SGIP1: variants seen among roughly 807,000 people sequenced by gnomAD.
The protein encoded by SGIP1 is SH3-containing GRB2-like protein 3-interacting protein 1.
SGIP1 carries 38 observed loss-of-function variants against 107.5 expected under a neutral mutation model. That is an observed-to-expected ratio of 0.35 (90% confidence interval 0.27 to 0.46). SGIP1 has a LOEUF of 0.46. Ranked by LOEUF, SGIP1 falls within the 20% of genes least tolerant of loss-of-function variation. The pLI, the probability that SGIP1 is intolerant of heterozygous loss-of-function variation, is 1.00. For missense variants in SGIP1, 929 were observed against 1,019.5 expected (o/e 0.91, Z 1.21); for synonymous variants, 365 against 366.1 (o/e 1.00, Z 0.03).
chr1:66,671,937 G>A lies in SGIP1; in HGVS notation c.509-7G>A. On this transcript the variant is annotated splice_region_variant and splice_polypyrimidine_tract_variant and intron_variant, in intron 10 of 24. Coordinates refer to ENST00000371037, the MANE Select transcript of SGIP1 (RefSeq NM_032291.4). ...TGTCTAAAAAGTTCCTTTGTCCTGTGCATCAGGTGAAGAAGTGGCAAGACC... is the reference window on the plus strand; with the variant it reads ...TGTCTAAAAAGTTCCTTTGTCCTGTACATCAGGTGAAGAAGTGGCAAGACC... 6.2e-7 allele frequency: 1 copy of A among 1,613,924 alleles called. No individual in the cohort carries two copies. Among genetic ancestry groups the A allele is most frequent in the Non-Finnish European group, 8.5e-7 (1 of 1,179,856 alleles).
chr1:66,725,029 C>T (rs1341962033), intron 19 of SGIP1, among the ~76,000 whole-genome samples: 1 of 152,144 alleles, frequency 6.6e-6, no homozygotes, highest in Non-Finnish European at 1.5e-5. Context: ...ACCAATTTGG[C>T]ACTAGTATAC....
intron 1 of SGIP1, among the ~76,000 whole-genome samples, chr1:66,563,885 T>C (rs564843104): frequency 6.6e-6 from 1 of 152,138 alleles, no homozygotes; most frequent in Admixed American, 6.6e-5. Flanking sequence ...CTTAGAAAGC[T>C]ACTATCCCTT....
intron 1 of SGIP1, among the ~76,000 whole-genome samples, chr1:66,609,421 T>A (rs2067501996): frequency 6.6e-6 from 1 of 152,178 alleles, no homozygotes; most frequent in African/African-American, 2.4e-5. Context: ...AGCAAATATG[T>A]AGAGCACAAA....
chr1:66,731,104 C>T (rs1477511818), intron 20 of SGIP1, among the ~76,000 whole-genome samples: 1 of 152,198 alleles, frequency 6.6e-6, no homozygotes, highest in Non-Finnish European at 1.5e-5. Context: ...CTGTTCTTTT[C>T]CTTTGTAGCA....
intron 18 of SGIP1, among the ~76,000 whole-genome samples, chr1:66,716,938 GTT>G (rs1376155049): frequency 6.6e-6 from 1 of 151,868 alleles, no homozygotes; most frequent in African/African-American, 2.4e-5. Flanking sequence ...ACTTCCCGTG[GTT>G]TCTTAAAATG....
intron 17 of SGIP1, chr1:66,695,036 T>A: frequency 3.0e-6 from 1 of 332,672 alleles, no homozygotes; most frequent in African/African-American, 2.1e-5. Context: ...GTTTATCTTT[T>A]TGGAAACATA....
intron 21 of SGIP1, among the ~76,000 whole-genome samples, chr1:66,737,006 A>G (rs1039534570): frequency 2.6e-5 from 4 of 152,206 alleles, no homozygotes; most frequent in African/African-American, 9.6e-5. Flanking sequence ...TTCATCACTT[A>G]CAAATTAAAA....
chr1:66,585,687 G>T (rs1319329132), intron 1 of SGIP1, among the ~76,000 whole-genome samples: 5 of 151,686 alleles, frequency 3.3e-5, no homozygotes, highest in Non-Finnish European at 7.4e-5. Flanking sequence ...ACAGGGTTTC[G>T]TCGTGTTGGC....
In SGIP1 at chr1:66,635,962, C is replaced by A. The variant is rs1323589029; in HGVS notation, c.118C>A (p.Pro40Thr). ...RDGIQPSPHE[P>T]PYNSKAECAR... ...ATTCCAGCAGCCCAGCCCACACGAA[C>A]CACCCTACAATAGCAAAGCAGAGTG... is the stretch of plus-strand genomic sequence containing the variant. The change falls in exon 4 of 25, where the codon CCA becomes ACA. Residue 40 changes from proline to threonine, a missense_variant. Physicochemically the swap from Pro to Thr is conservative, Grantham distance 38. Coordinates refer to ENST00000371037, the MANE Select transcript of SGIP1 (RefSeq NM_032291.4). 1 of 1,613,686 alleles carries A rather than the reference C, an allele frequency of 6.2e-7. No individual in the cohort carries two copies. Among genetic ancestry groups the A allele is most frequent in the African/African-American group, 1.3e-5 (1 of 74,860 alleles).
chr1:66,693,857 A>G (rs1387284142), intron 17 of SGIP1, among the ~76,000 whole-genome samples: 1 of 152,266 alleles, frequency 6.6e-6, no homozygotes, highest in Non-Finnish European at 1.5e-5. Flanking sequence ...TTAACGGTCC[A>G]TAACTATCAA....
chr1:66,643,468 A>G (rs1256777407), intron 6 of SGIP1, 76 bp from the exon 7 acceptor site: 3 of 1,229,528 alleles, frequency 2.4e-6, no homozygotes, highest in African/African-American at 3.1e-5. Flanking sequence ...TGCTGTCTCT[A>G]TATGCAATTG....
chr1:66,632,412 C>T (rs1302297597), intron 2 of SGIP1, among the ~76,000 whole-genome samples: 1 of 151,948 alleles, frequency 6.6e-6, no homozygotes, highest in Non-Finnish European at 1.5e-5. Context: ...TACCAATTCT[C>T]AAAATAAAGT....
intron 2 of SGIP1, among the ~76,000 whole-genome samples, chr1:66,627,317 G>A (rs942312891): frequency 3.9e-5 from 6 of 152,094 alleles, no homozygotes; most frequent in African/African-American, 1.4e-4. Flanking sequence ...CATGCAAAGG[G>A]AACAACAAAA....
At chr1:66,549,137 GCCTTCCTT>G (rs60834683) in intron 1 of SGIP1, among the ~76,000 whole-genome samples, 18,425 of 144,020 alleles carry the variant, frequency 0.13, 1,437 homozygotes, top group East Asian at 0.32. Context: ...CTGGCTACCT[GCCTTCCTT>G]CCTTCCTTCC....
Position 66,747,259 on chromosome 1 carries a change from G to A in SGIP1, c.*4164G>A, listed in dbSNP as rs2150821032. ...AAATTTGAGAATCATTGCTCTAGTA[G>A]ATCTCTAAGGTCCTTCTTAGTTCTG... is the stretch of plus-strand genomic sequence containing the variant. On this transcript the variant is annotated 3_prime_UTR_variant, in exon 25 of 25. Coordinates refer to ENST00000371037, the MANE Select transcript of SGIP1 (RefSeq NM_032291.4). The A allele has an allele frequency of 6.6e-6, 1 of 152,162 alleles. No homozygotes were observed. Among genetic ancestry groups the A allele is most frequent in the East Asian group, 1.9e-4 (1 of 5,194 alleles). 9.4% of individuals were successfully genotyped at this position (152,162 alleles called of 1,614,324 possible). A position where few individuals can be genotyped will look rare whatever the true frequency, so the allele number is the denominator to read the frequency against.
intron 1 of SGIP1, among the ~76,000 whole-genome samples, chr1:66,592,616 T>C (rs1281992636): frequency 6.6e-6 from 1 of 152,208 alleles, no homozygotes; most frequent in Non-Finnish European, 1.5e-5. Flanking sequence ...TCAAAGTTCA[T>C]AGTTTACATT....
At chr1:66,558,524 G>A (rs1167717211) in intron 1 of SGIP1, among the ~76,000 whole-genome samples, 4 of 151,876 alleles carry the variant, frequency 2.6e-5, no homozygotes, top group Non-Finnish European at 4.4e-5. Flanking sequence ...AACCCTGAAA[G>A]ATTATGTTGT....
At chr1:66,549,145 TC>T (rs2056979488) in intron 1 of SGIP1, among the ~76,000 whole-genome samples, 2 of 79,008 alleles carry the variant, frequency 2.5e-5, no homozygotes, top group Admixed American at 3.0e-4. Flanking sequence ...CTGCCTTCCT[TC>T]CTTCCTTCCT....
chr1:66,700,109 G>A (rs187330747), intron 18 of SGIP1, among the ~76,000 whole-genome samples: 99 of 152,214 alleles, frequency 6.5e-4, no homozygotes, highest in Non-Finnish European at 1.0e-3. Context: ...AGTGGCTCAC[G>A]CCTGTAATTC....
Sources: allele counts gnomAD v4.1 joint callset (sites outside exome capture counted in the v4.1 genomes callset), GRCh38; gene constraint gnomAD v4.1.1; transcripts MANE v1.5; gene names NCBI Gene and HGNC (gene_info 2026-07-23, HGNC 2026-07-21).